LARGE1: variants seen among roughly 807,000 people sequenced by gnomAD.
LARGE1 encodes the protein xylosyl- and glucuronyltransferase LARGE1.
Under a neutral mutation model 87.6 loss-of-function variants are expected in LARGE1, and 43 were observed. That is an observed-to-expected ratio of 0.49 (90% CI 0.38 to 0.63). LARGE1 has a LOEUF of 0.63. Among genes scored for constraint, LARGE1 ranks in the 30% least tolerant of loss-of-function variants. The pLI, the probability that LARGE1 is intolerant of heterozygous loss-of-function variation, is 0.00. For missense variants in LARGE1, 802 were observed against 1,000.2 expected (o/e 0.80, Z 2.67); for synonymous variants, 434 against 394.6 (o/e 1.10, Z -1.18).
At chr22:33,608,113 G>C (rs960836843) in intron 4 of LARGE1, among the ~76,000 whole-genome samples, 1 of 152,140 alleles carries the variant, frequency 6.6e-6, no homozygotes. Flanking sequence ...GTGTTTCCAC[G>C]ACTGTCTCCC....
chr22:33,454,568 G>A (rs1425665125), intron 6 of LARGE1, among the ~76,000 whole-genome samples: 6 of 149,274 alleles, frequency 4.0e-5, no homozygotes, highest in Non-Finnish European at 8.9e-5. Flanking sequence ...GCAGTGAGCC[G>A]AGATTGAGCC....
intron 11 of LARGE1, among the ~76,000 whole-genome samples, chr22:33,197,109 C>T (rs2146203364): frequency 6.6e-6 from 1 of 152,108 alleles, no homozygotes; most frequent in African/African-American, 2.4e-5. Context: ...AATACACTTT[C>T]ATGGAAACAA....
chr22:33,483,676 T>C (rs927532027), intron 6 of LARGE1, among the ~76,000 whole-genome samples: 1 of 152,192 alleles, frequency 6.6e-6, no homozygotes, highest in Non-Finnish European at 1.5e-5. Context: ...ATGCTCTTAA[T>C]TATAACCACA....
At chr22:33,894,108 C>T (rs2065073154) in intron 1 of LARGE1, among the ~76,000 whole-genome samples, 2 of 151,966 alleles carry the variant, frequency 1.3e-5, no homozygotes, top group Non-Finnish European at 2.9e-5. Context: ...TCAGGGTCAC[C>T]CTCTAGATGG....
intron 1 of LARGE1, among the ~76,000 whole-genome samples, chr22:33,915,509 C>T (rs1488588950): frequency 6.6e-6 from 1 of 151,824 alleles, no homozygotes; most frequent in Admixed American, 6.6e-5. Context: ...AATGAAAGTG[C>T]CAGGTGTAAT....
intron 9 of LARGE1, among the ~76,000 whole-genome samples, chr22:33,379,254 A>ATTTC (rs202204441): frequency 0.17 from 16,420 of 98,572 alleles, 1,052 homozygotes; most frequent in African/African-American, 0.36. Flanking sequence ...TTGCTGAGTG[A>ATTTC]TTTCTTTCTT....
At chr22:33,738,423 A>C (rs2149505549) in intron 2 of LARGE1, among the ~76,000 whole-genome samples, 1 of 152,300 alleles carries the variant, frequency 6.6e-6, no homozygotes. Context: ...GAAAGCCAGC[A>C]GGGCACTCAG....
At chr22:33,569,521 C>T (rs2078131057) in intron 5 of LARGE1, among the ~76,000 whole-genome samples, 1 of 152,148 alleles carries the variant, frequency 6.6e-6, no homozygotes, top group African/African-American at 2.4e-5. Context: ...AGAAAGAAAG[C>T]CCCAGGAAAA....
intron 1 of LARGE1, among the ~76,000 whole-genome samples, chr22:33,875,602 G>A (rs2064438270): frequency 6.6e-6 from 1 of 152,234 alleles, no homozygotes. Context: ...GCAACCAACA[G>A]GCAGCAGCCC....
chr22:33,667,606 C>A (rs1025808464), intron 2 of LARGE1, among the ~76,000 whole-genome samples: 2 of 152,182 alleles, frequency 1.3e-5, no homozygotes, highest in African/African-American at 2.4e-5. Context: ...CAGAAGCAGA[C>A]AACAGGATTA....
chr22:33,471,761 G>A lies in LARGE1; in HGVS notation c.788-39496C>T, dbSNP rs187133088. Among the ~76,000 whole-genome samples, 554 of 152,266 alleles carry A rather than the reference G, an allele frequency of 3.6e-3. 2 individuals carry two copies. Among genetic ancestry groups the A allele is most frequent in the Middle Eastern group, 0.024 (7 of 294 alleles). ...AAAAGATAAGTGGGAGAGGCCAGGC[G>A]CGGTGGCTCACCCCTGTAATCCCAG... On this transcript the variant is annotated intron_variant, in intron 6 of 14. Coordinates refer to ENST00000397394, the MANE Select transcript of LARGE1 (RefSeq NM_133642.5).
At chr22:33,357,536 T>C (rs1326844957) in intron 9 of LARGE1, among the ~76,000 whole-genome samples, 1 of 152,196 alleles carries the variant, frequency 6.6e-6, no homozygotes, top group Non-Finnish European at 1.5e-5. Context: ...GGCTCATACC[T>C]GTAATCCCAG....
At chr22:33,868,063 T>C (rs949554596) in intron 1 of LARGE1, among the ~76,000 whole-genome samples, 6 of 152,164 alleles carry the variant, frequency 3.9e-5, no homozygotes, top group African/African-American at 1.4e-4. Context: ...ACGGTACATT[T>C]CATCCTGCTG....
At chr22:33,833,626 AAACT>A (rs1203940046) in intron 1 of LARGE1, among the ~76,000 whole-genome samples, 15 of 152,320 alleles carry the variant, frequency 9.8e-5, no homozygotes, top group African/African-American at 3.6e-4. Flanking sequence ...TAGGGCTAGC[AAACT>A]AACACACTAG....
the LARGE1 span, among the ~76,000 whole-genome samples, chr22:33,146,818 A>C: frequency 6.6e-6 from 1 of 152,122 alleles, no homozygotes; most frequent in Non-Finnish European, 1.5e-5. Context: ...ACTTACACAT[A>C]CAAGCATGGA....
the LARGE1 span, among the ~76,000 whole-genome samples, chr22:33,073,951 C>T: frequency 2.0e-5 from 3 of 152,184 alleles, no homozygotes; most frequent in Non-Finnish European, 2.9e-5. Context: ...ATCCACATCT[C>T]CTACCTTTCC....
In LARGE1 at chr22:33,274,449, A is replaced by C; in HGVS notation, c.2249T>G (p.Leu750Arg). The C allele has an allele frequency of 6.2e-7, 1 of 1,614,170 alleles. No homozygotes were observed. Among genetic ancestry groups the C allele is most frequent in the South Asian group, 1.1e-5 (1 of 91,084 alleles). The change falls in exon 15 of 15, where the codon CTC (leucine) becomes CGC (arginine). Residue 750 changes from leucine (L) to arginine (R), a missense_variant. Around this residue, in one of 2 missense-constraint regions of LARGE1, gnomAD observed 625 missense variants for 841.9 expected, o/e 0.74. Coordinates refer to ENST00000397394, the MANE Select transcript of LARGE1 (RefSeq NM_133642.5). ...RRYGFAALKY[L>R]TAENNS ...GTGCTAGCTGTTGTTCTCGGCTGTGAGATATTTCAGGGCAGCAAAGCCGTA... is the reference window on the plus strand; with the variant it reads ...GTGCTAGCTGTTGTTCTCGGCTGTGCGATATTTCAGGGCAGCAAAGCCGTA...
At chr22:33,749,333 C>G (rs574192321) in intron 2 of LARGE1, among the ~76,000 whole-genome samples, 25 of 152,162 alleles carry the variant, frequency 1.6e-4, no homozygotes, top group Non-Finnish European at 2.9e-4. Flanking sequence ...AGGCTGGTCT[C>G]GAACTCCCGA....
In LARGE1 at chr22:33,618,553, T is replaced by C. The variant is rs76189211; in HGVS notation, c.491+7691A>G. On this transcript the variant is annotated intron_variant, in intron 4 of 14. Coordinates refer to ENST00000397394, the MANE Select transcript of LARGE1 (RefSeq NM_133642.5). Reference sequence around the variant, plus strand: ...TATTTATGGGTATGACCAAATACCATTGATCTCTTACCTGTTCAAAGATAT... The same window carrying C: ...TATTTATGGGTATGACCAAATACCACTGATCTCTTACCTGTTCAAAGATAT... Among the ~76,000 whole-genome samples the C allele has an allele frequency of 8.4e-3, 1,285 of 152,366 alleles. 14 individuals are homozygous for C. Among genetic ancestry groups the C allele is most frequent in the African/African-American group, 0.029 (1,194 of 41,590 alleles).
Sources: allele counts gnomAD v4.1 joint callset (sites outside exome capture counted in the v4.1 genomes callset), GRCh38; gene constraint gnomAD v4.1.1; regional missense constraint gnomAD v4.1.1; transcripts MANE v1.5; gene names NCBI Gene and HGNC (gene_info 2026-07-23, HGNC 2026-07-21).